The following KHDRBS2 variants were observed in gnomAD, a reference collection of about 807,000 sequenced individuals.
The protein encoded by KHDRBS2 is KH RNA binding domain containing, signal transduction associated 2, also known as KH domain-containing, RNA-binding, signal transduction-associated protein 2.
A neutral mutation model predicts 44.3 loss-of-function variants in KHDRBS2; 26 were observed. The ratio of observed to expected loss-of-function variants is 0.59; its 90% CI spans 0.43 to 0.81. The LOEUF (loss-of-function observed/expected upper bound fraction) is 0.81. Ranked by LOEUF, KHDRBS2 falls within the 40% of genes least tolerant of loss-of-function variation. The pLI is 0.00. For synonymous variants in KHDRBS2, 194 were observed against 151.1 expected (o/e 1.28, Z -2.08); for missense variants, 476 against 433.1 (o/e 1.10, Z -0.88).
At chr6:61,954,354 T>TGCATACATATATACGCATGTATGC (rs1554289643) in intron 4 of KHDRBS2, among the ~76,000 whole-genome samples, 14 of 86,514 alleles carry the variant, frequency 1.6e-4, no homozygotes, top group African/African-American at 5.4e-4. Flanking sequence ...TATACATATG[T>TGCATACATATATACGCATGTATGC]ATGCATACAT....
At chr6:61,659,267 C>G in the KHDRBS2 span, 8 of 151,790 alleles carry the variant, frequency 5.3e-5, no homozygotes, top group Non-Finnish European at 1.0e-4. Flanking sequence ...GAGTAAGTCC[C>G]TTTGTCCCCA....
At chr6:61,741,525 AGTATACT>A (rs1157451234) in intron 6 of KHDRBS2, among the ~76,000 whole-genome samples, 3 of 151,966 alleles carry the variant, frequency 2.0e-5, no homozygotes, top group Admixed American at 2.0e-4. Context: ...TTGTTACATG[AGTATACT>A]GTATTTTGCT....
At chr6:61,631,658 A>C in the KHDRBS2 span, among the ~76,000 whole-genome samples, 1 of 152,122 alleles carries the variant, frequency 6.6e-6, no homozygotes, top group African/African-American at 2.4e-5. Context: ...ATATGGCAGA[A>C]ATCCTTCTAA....
chr6:61,605,447 A>G, the KHDRBS2 span, among the ~76,000 whole-genome samples: 2 of 152,168 alleles, frequency 1.3e-5, no homozygotes, highest in African/African-American at 4.8e-5. Context: ...TGCTGGCAGG[A>G]TATGCTGAAC....
At chr6:61,959,645 G>C (rs1384527924) in intron 4 of KHDRBS2, among the ~76,000 whole-genome samples, 1 of 152,032 alleles carries the variant, frequency 6.6e-6, no homozygotes, top group Admixed American at 6.6e-5. Context: ...ACTAAGAATA[G>C]AATATAAAAT....
At chr6:62,165,608 T>C (rs1818522797) in intron 2 of KHDRBS2, among the ~76,000 whole-genome samples, 1 of 151,962 alleles carries the variant, frequency 6.6e-6, no homozygotes, top group Admixed American at 6.6e-5. Flanking sequence ...AGATGTGTGC[T>C]ACTAAAATAC....
At chr6:61,739,169 C>T (rs1245845783) in intron 6 of KHDRBS2, among the ~76,000 whole-genome samples, 5 of 151,712 alleles carry the variant, frequency 3.3e-5, no homozygotes, top group Admixed American at 6.6e-5. Context: ...TTGCAAAATC[C>T]ACTATAACTT....
intron 4 of KHDRBS2, among the ~76,000 whole-genome samples, chr6:61,951,302 A>G (rs765225656): frequency 7.9e-5 from 12 of 152,060 alleles, no homozygotes; most frequent in Non-Finnish European, 1.8e-4. Flanking sequence ...TTCTCTTTGG[A>G]GAAGAAATTC....
At chr6:61,783,508 A>G (rs1783339758) in intron 6 of KHDRBS2, among the ~76,000 whole-genome samples, 1 of 152,160 alleles carries the variant, frequency 6.6e-6, no homozygotes, top group Admixed American at 6.6e-5. Flanking sequence ...GAAAATACAT[A>G]AAAGCAAAAG....
downstream of KHDRBS2, among the ~76,000 whole-genome samples, chr6:61,675,144 A>G (rs1765852948): frequency 1.3e-5 from 2 of 151,852 alleles, no homozygotes; most frequent in Non-Finnish European, 3.0e-5. Flanking sequence ...ATTTCTTCTA[A>G]CTATATATTT....
chr6:61,646,072 T>C, the KHDRBS2 span, among the ~76,000 whole-genome samples: 2 of 152,164 alleles, frequency 1.3e-5, no homozygotes, highest in Non-Finnish European at 2.9e-5. Flanking sequence ...TAACCTAATA[T>C]CTATTCATAA....
At chr6:61,930,522 C>CAAAAA (rs1809810090) in intron 4 of KHDRBS2, among the ~76,000 whole-genome samples, 1 of 60,516 alleles carries the variant, frequency 1.7e-5, no homozygotes. Context: ...TATACCGCCC[C>CAAAAA]TAAAAAAAAA....
chr6:62,011,163 A>C (rs566648007), intron 3 of KHDRBS2, among the ~76,000 whole-genome samples: 1 of 152,298 alleles, frequency 6.6e-6, no homozygotes, highest in South Asian at 2.1e-4. Flanking sequence ...AATTCATCTT[A>C]AGGTTTTGCC....
At chr6:62,120,643 C>T (rs941927785) in intron 2 of KHDRBS2, among the ~76,000 whole-genome samples, 3 of 151,928 alleles carry the variant, frequency 2.0e-5, no homozygotes, top group Non-Finnish European at 2.9e-5. Context: ...TTCCTAGAAG[C>T]GAAAATGATA....
chr6:62,078,275 C>G (rs1322807314), intron 2 of KHDRBS2, among the ~76,000 whole-genome samples: 1 of 151,966 alleles, frequency 6.6e-6, no homozygotes, highest in African/African-American at 2.4e-5. Context: ...AAATAATATA[C>G]AAGTAATAGA....
intron 6 of KHDRBS2, among the ~76,000 whole-genome samples, chr6:61,775,374 T>C (rs1335338007): frequency 1.3e-5 from 2 of 152,098 alleles, no homozygotes; most frequent in African/African-American, 4.8e-5. Flanking sequence ...GATGAGATGA[T>C]TGTACATCTA....
chr6:61,721,432 G>C (rs1158398407), intron 7 of KHDRBS2, among the ~76,000 whole-genome samples: 28 of 149,960 alleles, frequency 1.9e-4, no homozygotes, highest in Non-Finnish European at 1.5e-4. Flanking sequence ...TCTTCCATTT[G>C]TTTGTATCCT....
At chr6:61,735,768 T>C (rs1169663478) in intron 6 of KHDRBS2, among the ~76,000 whole-genome samples, 2 of 152,068 alleles carry the variant, frequency 1.3e-5, no homozygotes, top group Non-Finnish European at 2.9e-5. Context: ...TTTTCAATTG[T>C]CTCATACTTA....
At chr6:62,144,378 A>G (rs1464337817) in intron 2 of KHDRBS2, among the ~76,000 whole-genome samples, 1 of 152,008 alleles carries the variant, frequency 6.6e-6, no homozygotes, top group East Asian at 1.9e-4. Context: ...CTTGACTAAT[A>G]TAGTTTTGAA....
Sources: gnomAD v4.1 joint callset for allele counts (sites outside exome capture counted in the v4.1 genomes callset) on GRCh38, gnomAD v4.1.1 for gene constraint, MANE v1.5 for transcripts, NCBI Gene and HGNC (gene_info 2026-07-23, HGNC 2026-07-21) for gene names.